Variants in DNAJC3 observed in about 807,000 individuals in gnomAD.
DNAJC3 encodes the protein dnaJ homolog subfamily C member 3.
DNAJC3 carries 38 observed loss-of-function variants against 68.6 expected under a neutral mutation model. The ratio of observed to expected loss-of-function variants is 0.55; its 90% confidence interval spans 0.43 to 0.73. The LOEUF is 0.73. DNAJC3 is among the 30% of genes least tolerant of loss of function. The pLI, the probability that DNAJC3 is intolerant of heterozygous loss-of-function variation, is 0.00. For synonymous variants in DNAJC3, 203 were observed against 204.0 expected (o/e 1.00, Z 0.04); for missense variants, 526 against 591.9 (o/e 0.89, Z 1.16).
At chr13:95,740,497 C>G (rs561884997) in intron 4 of DNAJC3, among the ~76,000 whole-genome samples, 46 of 143,954 alleles carry the variant, frequency 3.2e-4, no homozygotes, top group African/African-American at 8.9e-4. Flanking sequence ...AGCCAGGTGC[C>G]GGATATAATC....
chr13:95,734,332 A>C (rs1881817272), intron 4 of DNAJC3, among the ~76,000 whole-genome samples: 1 of 152,162 alleles, frequency 6.6e-6, no homozygotes, highest in South Asian at 2.1e-4. Context: ...TAGCACTTTG[A>C]GTATATCATT....
chr13:95,765,567 GT>G (rs1024972959), intron 9 of DNAJC3, among the ~76,000 whole-genome samples: 308 of 102,334 alleles, frequency 3.0e-3, no homozygotes, highest in African/African-American at 7.9e-3. Context: ...TAATTGATCT[GT>G]TTTTTTTTTT....
At chr13:95,787,333 G>C (rs1883632342) in intron 11 of DNAJC3, among the ~76,000 whole-genome samples, 178 bp downstream of exon 11, 1 of 152,202 alleles carries the variant, frequency 6.6e-6, no homozygotes, top group Admixed American at 6.5e-5. Context: ...GCACCCTCCT[G>C]TTGCAGGGTA....
At chr13:95,768,839 G>A (rs1339265329) in intron 9 of DNAJC3, among the ~76,000 whole-genome samples, 3 of 152,086 alleles carry the variant, frequency 2.0e-5, no homozygotes, top group African/African-American at 4.8e-5. Flanking sequence ...GCCAGGCATG[G>A]TGGTATGCAT....
chr13:95,780,391 T>C (rs1029978611), intron 9 of DNAJC3, among the ~76,000 whole-genome samples: 1 of 152,210 alleles, frequency 6.6e-6, no homozygotes, highest in Non-Finnish European at 1.5e-5. Context: ...ATGTGTGCTC[T>C]AGATTTCCTG....
At chr13:95,709,628 C>CTTTTTT (rs955053415) in intron 2 of DNAJC3, among the ~76,000 whole-genome samples, 12 of 112,168 alleles carry the variant, frequency 1.1e-4, no homozygotes, top group Non-Finnish European at 1.4e-4. Context: ...TGGCTTCTGA[C>CTTTTTT]TTTTTTTTTT....
intron 3 of DNAJC3, 47 bp downstream of exon 3, chr13:95,723,413 G>C: frequency 1.3e-6 from 2 of 1,580,466 alleles, no homozygotes; most frequent in Non-Finnish European, 1.7e-6. Flanking sequence ...ACAGAACTTG[G>C]GGAGAGATAA....
At chr13:95,700,333 T>C (rs997131534) in intron 1 of DNAJC3, among the ~76,000 whole-genome samples, 9 of 152,340 alleles carry the variant, frequency 5.9e-5, no homozygotes, top group African/African-American at 2.2e-4. Context: ...TTTTAATGTC[T>C]GTAGTTTCTC....
chr13:95,685,120 C>T (rs189955095), intron 1 of DNAJC3, among the ~76,000 whole-genome samples: 1 of 147,242 alleles, frequency 6.8e-6, no homozygotes, highest in African/African-American at 2.7e-5. Flanking sequence ...CAGCTTGCAC[C>T]ATGCACCTGG....
intron 9 of DNAJC3, among the ~76,000 whole-genome samples, chr13:95,782,025 G>C (rs1224828174): frequency 6.6e-6 from 1 of 151,984 alleles, no homozygotes; most frequent in Admixed American, 6.6e-5. Flanking sequence ...CCATTGTTCA[G>C]TTCCCACTTA....
intron 2 of DNAJC3, among the ~76,000 whole-genome samples, chr13:95,716,140 A>G (rs1881137552): frequency 6.6e-6 from 1 of 152,150 alleles, no homozygotes; most frequent in African/African-American, 2.4e-5. Context: ...CCTGGGCGAG[A>G]GTGAGACTCT....
intron 2 of DNAJC3, among the ~76,000 whole-genome samples, chr13:95,709,903 TGCTGGGATTACAGGCGTGAGCCACTGC>T (rs1322768323): frequency 6.6e-6 from 1 of 152,218 alleles, no homozygotes. Flanking sequence ...CCTCCCAAAG[TGCTGGGATTACAGGCGTGAGCCACTGC>T]GCCCGGCCAG....
At chr13:95,746,876 T>G (rs1882320899) in intron 4 of DNAJC3, among the ~76,000 whole-genome samples, 1 of 152,198 alleles carries the variant, frequency 6.6e-6, no homozygotes, top group Non-Finnish European at 1.5e-5. Flanking sequence ...ATTACTCAGC[T>G]GGGGTGAGGG....
chr13:95,705,038 G>T (rs7327549), intron 1 of DNAJC3, among the ~76,000 whole-genome samples: 50,908 of 151,652 alleles, frequency 0.34, 8,837 homozygotes, highest in Middle Eastern at 0.4. Flanking sequence ...TTTTAGTAGA[G>T]ATGGGGTTTT....
chr13:95,709,397 T>A, intron 2 of DNAJC3, 60 bp downstream of exon 2: 1 of 1,152,034 alleles, frequency 8.7e-7, no homozygotes, highest in East Asian at 2.7e-5. Flanking sequence ...GTAATAGCTC[T>A]TTTTTTAAAA....
At chr13:95,770,253 CTTT>C (rs1883122126) in intron 9 of DNAJC3, among the ~76,000 whole-genome samples, 2 of 150,810 alleles carry the variant, frequency 1.3e-5, no homozygotes, top group South Asian at 4.2e-4. Flanking sequence ...GAAGAGGCTT[CTTT>C]AAGAAAGGAA....
At chr13:95,731,656 T>C (rs1234438174) in intron 4 of DNAJC3, among the ~76,000 whole-genome samples, 2 of 152,150 alleles carry the variant, frequency 1.3e-5, no homozygotes, top group African/African-American at 4.8e-5. Flanking sequence ...CACTTGATCA[T>C]GGTGTCTTAT....
At chr13:95,745,967 T>A (rs901081973) in intron 4 of DNAJC3, among the ~76,000 whole-genome samples, 3 of 152,202 alleles carry the variant, frequency 2.0e-5, no homozygotes, top group African/African-American at 7.2e-5. Flanking sequence ...TTATTCCACC[T>A]CTAGGGGCAG....
intron 4 of DNAJC3, among the ~76,000 whole-genome samples, chr13:95,733,731 A>C (rs1484747206): frequency 3.2e-5 from 4 of 125,930 alleles, no homozygotes; most frequent in Non-Finnish European, 6.4e-5. Context: ...TTTTTTTAAC[A>C]GTTCTGTCTT....
Sources: gnomAD v4.1 joint callset for allele counts (sites outside exome capture counted in the v4.1 genomes callset) on GRCh38, gnomAD v4.1.1 for gene constraint, MANE v1.5 for transcripts, NCBI Gene and HGNC (gene_info 2026-07-23, HGNC 2026-07-21) for gene names.